ELP5: variants seen among roughly 807,000 people sequenced by gnomAD.
The protein encoded by ELP5 is elongator acetyltransferase complex subunit 5, also known as elongator complex protein 5.
Under a neutral mutation model 33.4 loss-of-function variants are expected in ELP5, and 34 were observed. The observed-to-expected ratio is 1.02, with a 90% CI of 0.78 to 1.36. ELP5 has a LOEUF of 1.36. Ranked by LOEUF, ELP5 falls within the 40% of genes most tolerant of loss-of-function variation. ELP5 has a pLI of 0.00. For synonymous variants in ELP5, 161 were observed against 146.4 expected, an observed-to-expected ratio of 1.10 and a Z score of -0.72; for missense variants, 373 against 371.7, an observed-to-expected ratio of 1.00 and a Z score of -0.03.
chr17:7,258,615 T>C lies in ELP5; in HGVS notation c.619T>C (p.Phe207Leu), dbSNP rs2072133928. The C allele has an allele frequency of 1.9e-6, 3 of 1,614,204 alleles. No individual in the cohort carries two copies. In the East Asian group the frequency reaches 6.7e-5, roughly 36 times the overall value. ...QTQWFSILPD[F>L]SLDLQEGPSV... ...TCAGTGGTTCTCCATCCTTCCGGAC[T>C]TCAGCCTGGATCTCCAAGAGGGGCC... Residue 207 changes from phenylalanine to leucine, a missense_variant, in exon 6 of 8, where the codon TTC (phenylalanine) becomes CTC (leucine). Phe to Leu is a conservative substitution (Grantham distance 22, BLOSUM62 0). Transcript: ENST00000396628.
At chr17:7,258,285 C>G (rs2072122260) in intron 5 of ELP5, among the ~76,000 whole-genome samples, 1 of 151,752 alleles carries the variant, frequency 6.6e-6, no homozygotes. Context: ...CCCATCTCTA[C>G]TAAAAAGACA....
chr17:7,252,887 CTT>C (rs1214731783), intron 2 of ELP5, 29 bp from the exon 3 acceptor site: 1 of 1,614,054 alleles, frequency 6.2e-7, no homozygotes, highest in Non-Finnish European at 8.5e-7. Context: ...TGTGCCCACT[CTT>C]TGACAATCCC....
rs576115874 is a variant in ELP5 at position 7,254,952 on chromosome 17, T to C, written c.409+149T>C. ...ACTTTTTTGTCTGTTTTTTTTTTTT[T>C]TTACTTCTCCTTAATGCCATCTACC... On this transcript the variant is annotated intron_variant, in intron 4 of 7. Transcript: ENST00000396628. 295 of 649,262 alleles carry C rather than the reference T, an allele frequency of 4.5e-4. 1 individual carries two copies. The highest frequency in any genetic ancestry group is 1.3e-3 in the Middle Eastern group (5 of 3,990). 40.2% of individuals were successfully genotyped at this position (649,262 alleles called of 1,614,324 possible). A position where few individuals can be genotyped will look rare whatever the true frequency, so the allele number is the denominator to read the frequency against.
chr17:7,259,233 G>C (rs959148426), intron 7 of ELP5: 30 of 1,378,038 alleles, frequency 2.2e-5, no homozygotes, highest in Non-Finnish European at 2.7e-5. Context: ...TAGGAGGACA[G>C]AAGGCTATAT....
chr17:7,255,052 A>G, intron 4 of ELP5: 1 of 571,872 alleles, frequency 1.7e-6, no homozygotes, highest in Non-Finnish European at 3.1e-6. Flanking sequence ...AATCAATAGT[A>G]AATATATACA....
intron 5 of ELP5, 68 bp from the exon 6 acceptor site, chr17:7,258,520 G>A (rs2072129911): frequency 4.1e-6 from 6 of 1,451,806 alleles, no homozygotes; most frequent in Non-Finnish European, 1.9e-6. Flanking sequence ...GGCTGAGGAT[G>A]TGAGGTCCTG....
Position 7,252,756 on chromosome 17 carries a change from C to G in ELP5, c.47-14C>G. On this transcript the variant is annotated splice_polypyrimidine_tract_variant and intron_variant, in intron 1 of 7. Transcript: ENST00000396628. ...CAGCGCTCTCATACCCTTTATCCGT[C>G]CCTCGCTCTGCAGATTCCGTGGAGT... is the stretch of plus-strand genomic sequence containing the variant. 1 of 1,614,048 alleles carries G rather than the reference C, an allele frequency of 6.2e-7. No homozygotes were observed. The highest frequency in any genetic ancestry group is 8.5e-7 in the Non-Finnish European group (1 of 1,179,988).
intron 1 of ELP5, 23 bp downstream of exon 1, chr17:7,252,619 C>A (rs757595681): frequency 3.1e-6 from 5 of 1,606,948 alleles, no homozygotes; most frequent in Non-Finnish European, 4.2e-6. Flanking sequence ...GGCACGGTGG[C>A]GGGGCGGGGG....
In ELP5 at chr17:7,258,996, C is replaced by T. The variant is rs536540590; in HGVS notation, c.788+70C>T. On this transcript the variant is annotated intron_variant, in intron 7 of 7. Transcript: ENST00000396628. Reference sequence around the variant, plus strand: ...CATCTGGGCCATGGAGAGGTTGGGGCAACAGGTTATTGATTAACCTGACTT... The same window carrying T: ...CATCTGGGCCATGGAGAGGTTGGGGTAACAGGTTATTGATTAACCTGACTT... 2.4e-5 allele frequency: 38 copies of T among 1,602,024 alleles called. 1 individual carries two copies. The South Asian group carries it at 3.7e-4, about 16-fold the overall frequency.
At chr17:7,255,757 T>C (rs2072061905) in intron 4 of ELP5, among the ~76,000 whole-genome samples, 1 of 152,158 alleles carries the variant, frequency 6.6e-6, no homozygotes, top group Admixed American at 6.5e-5. Flanking sequence ...TGCCATTTCT[T>C]AGGTTAAAAG....
At chr17:7,257,961 G>A (rs757282881) in intron 5 of ELP5, among the ~76,000 whole-genome samples, 27 of 151,982 alleles carry the variant, frequency 1.8e-4, no homozygotes, top group Admixed American at 1.7e-3. Context: ...CCAGCTATTC[G>A]GGAGGCTGAG....
At chr17:7,259,218 G>A (rs910032734) in intron 7 of ELP5, 1 of 1,379,392 alleles carries the variant, frequency 7.2e-7, no homozygotes, top group African/African-American at 1.5e-5. Context: ...CCTAGGCAGT[G>A]GTGCTAGGAG....
chr17:7,259,294 G>C, intron 7 of ELP5: 1 of 1,382,858 alleles, frequency 7.2e-7, no homozygotes, highest in Non-Finnish European at 9.4e-7. Context: ...TTGCTGTTCT[G>C]TGCCCAGTAT....
In ELP5 at chr17:7,252,957, G is replaced by A; in HGVS notation, c.147G>A (p.Glu49=). 6.2e-7 allele frequency: 1 copy of A among 1,614,206 alleles called. No individual in the cohort carries two copies. The highest frequency in any genetic ancestry group is 2.2e-5 in the East Asian group (1 of 44,884). ...ATATCCTGGGCTGTGAAGTGAGCGA[G>A]GAAGAGTTTCGTGAAGGTTTTGACT... The part of the protein sequence containing the change: ...QVHILGCEVS[E]EEFREGFDSD... The change falls in exon 3 of 8, where the codon GAG becomes GAA. Residue 49 remains glutamate (E), a synonymous_variant. Transcript: ENST00000396628.
rs1192708308 is a variant in ELP5, at chr17:7,252,400, T to C, written c.-151T>C. The stretch of plus-strand genomic sequence containing the variant: ...CCGCGTGAGCGCCCCCCTGGGAATA[T>C]TGAACATAATCACCTCTCATTCCAG... On this transcript the variant is annotated 5_prime_UTR_variant, in exon 1 of 8. Transcript: ENST00000396628. 24 of 1,231,196 alleles carry C rather than the reference T, an allele frequency of 1.9e-5. No individual in the cohort carries two copies. The East Asian group carries it at 3.2e-4, about 17-fold the overall frequency. 76.3% of individuals were successfully genotyped at this position (1,231,196 alleles called of 1,614,324 possible). A position where few individuals can be genotyped will look rare whatever the true frequency, so the allele number is the denominator to read the frequency against.
chr17:7,254,918 A>C (rs1597582760), intron 4 of ELP5, 115 bp downstream of exon 4: 5 of 760,098 alleles, frequency 6.6e-6, no homozygotes, highest in South Asian at 2.3e-5. Context: ...ACCTTTTTTC[A>C]TTTTTTTGAC....
Position 7,256,859 on chromosome 17 carries a change from G to A in ELP5, c.412G>A (p.Asp138Asn), listed in dbSNP as rs1015006512. 1.2e-5 allele frequency: 19 copies of A among 1,614,198 alleles called. No individual in the cohort carries two copies. The highest frequency in any genetic ancestry group is 1.6e-5 in the Non-Finnish European group (19 of 1,180,038). Reference protein sequence around the residue: ...AVSHQDSCPGDSSSVGKVSVL... With the variant: ...AVSHQDSCPGNSSSVGKVSVL... ...CTACATTTCTTGTCCTCCTCTAGGT[G>A]ACAGCTCCTCAGTGGGGAAAGTGAG... The change falls in exon 5 of 8, where the codon GAC becomes AAC. Residue 138 changes from aspartate to asparagine, a missense_variant and splice_region_variant. Transcript: ENST00000396628.
Position 7,256,946 on chromosome 17 carries a change from C to G in ELP5, c.499C>G (p.Leu167Val). The G allele has an allele frequency of 6.2e-7, 1 of 1,613,904 alleles. No homozygotes were observed. Among genetic ancestry groups the G allele is most frequent in the Non-Finnish European group, 8.5e-7 (1 of 1,180,024 alleles). The change falls in exon 5 of 8, where the codon CTT becomes GTT. Residue 167 changes from leucine to valine, a missense_variant. Coordinates refer to ENST00000396628, the MANE Select transcript of ELP5 (RefSeq NM_203414.3). ...AGGCCCTGTGGGAGCTCTCAGCAGC[C>G]TTGCTCAGACTGAGGTGACCCTGGG... Reference protein sequence around the residue: ...GPGPVGALSSLAQTEVTLGGT... With the variant: ...GPGPVGALSSVAQTEVTLGGT...
chr17:7,258,347 G>A (rs956078961), intron 5 of ELP5, among the ~76,000 whole-genome samples: 1 of 151,370 alleles, frequency 6.6e-6, no homozygotes, highest in Non-Finnish European at 1.5e-5. Context: ...TACTCGGGAG[G>A]CTGAGGCAGG....
Sources: gnomAD v4.1 joint callset for allele counts (sites outside exome capture counted in the v4.1 genomes callset) on GRCh38, gnomAD v4.1.1 for gene constraint, MANE v1.5 for transcripts, NCBI Gene and HGNC (gene_info 2026-07-23, HGNC 2026-07-21) for gene names.